PIWIL3: variants seen among roughly 807,000 people sequenced by gnomAD.
The protein encoded by PIWIL3 is piwi-like protein 3.
Under a neutral mutation model 109.7 loss-of-function variants are expected in PIWIL3, and 101 were observed. The observed-to-expected ratio is 0.92, with a 90% CI of 0.78 to 1.09. The LOEUF (loss-of-function observed/expected upper bound fraction) is 1.09. Among genes scored for constraint, PIWIL3 ranks in the 50% least tolerant of loss-of-function variants. The probability of loss-of-function intolerance (pLI) is 0.00; values close to 1 mark genes in which losing one functional copy is unlikely to be tolerated. For missense variants in PIWIL3, 1,031 were observed against 1,072.6 expected (o/e 0.96, Z 0.54); for synonymous variants, 373 against 376.4 (o/e 0.99, Z 0.10).
At chr22:24,771,990 C>T (rs1451894102) in intron 1 of PIWIL3, among the ~76,000 whole-genome samples, 2 of 152,134 alleles carry the variant, frequency 1.3e-5, no homozygotes, top group Admixed American at 6.5e-5. Context: ...TCACTGTGCC[C>T]GGCCTATTTC....
At chr22:24,731,194 A>G (rs1346275020) in intron 14 of PIWIL3, among the ~76,000 whole-genome samples, 1 of 152,196 alleles carries the variant, frequency 6.6e-6, no homozygotes, top group Admixed American at 6.5e-5. Context: ...GGCCTCCACA[A>G]ACAAGTTTAT....
intron 8 of PIWIL3, 55 bp from the exon 9 acceptor site, chr22:24,751,553 C>T: frequency 1.9e-6 from 3 of 1,572,694 alleles, no homozygotes; most frequent in Admixed American, 2.0e-5. Context: ...ATGGAACCAT[C>T]CACACAGAAA....
Position 24,749,723 on chromosome 22 carries a change from G to A in PIWIL3, c.1186C>T (p.Leu396=), listed in dbSNP as rs992848988. The change falls in exon 10 of 21, where the codon CTG becomes TTG. Residue 396 remains leucine, a synonymous_variant. Coordinates refer to ENST00000616349, the MANE Select transcript of PIWIL3 (RefSeq NM_001255975.1). ...GLTGTQREPI[L]LIPQLCHMTG... Reference sequence around the variant, plus strand: ...ATGTGGCACAGCTGAGGAATCAGCAGGATAGGTTCACGTTGTGTACCCGTT... The same window carrying A: ...ATGTGGCACAGCTGAGGAATCAGCAAGATAGGTTCACGTTGTGTACCCGTT... 6.2e-6 allele frequency: 10 copies of A among 1,614,134 alleles called. No homozygotes were observed. Among genetic ancestry groups the A allele is most frequent in the Admixed American group, 3.3e-5 (2 of 60,020 alleles).
intron 12 of PIWIL3, among the ~76,000 whole-genome samples, chr22:24,739,775 G>A (rs925547034): frequency 6.6e-6 from 1 of 152,134 alleles, no homozygotes. Flanking sequence ...ATAGGGCCGG[G>A]GGCGGTGGCT....
rs778311828 is a variant in PIWIL3, at chr22:24,723,180, T to C, written c.2307A>G (p.Gln769=). The C allele has an allele frequency of 8.1e-6, 13 of 1,612,630 alleles. No individual in the cohort carries two copies. The highest frequency in any genetic ancestry group is 4.4e-5 in the South Asian group (4 of 91,052). The change falls in exon 19 of 21, where the codon CAA becomes CAG. Residue 769 remains glutamine (Q), a synonymous_variant. Coordinates refer to ENST00000616349, the MANE Select transcript of PIWIL3 (RefSeq NM_001255975.1). ...CAATAACTGTTCCTGGAGGTGGATT[T>C]TGAAAATTGCTTCCATGTTTAAGAA... ...RFFLKHGSNF[Q]NPPPGTVIDV...
intron 16 of PIWIL3, among the ~76,000 whole-genome samples, 177 bp from the exon 17 acceptor site, chr22:24,725,692 A>C (rs1922949338): frequency 6.6e-6 from 1 of 152,228 alleles, no homozygotes; most frequent in South Asian, 2.1e-4. Context: ...CATTTTAGAA[A>C]ATTTTGAGTG....
Position 24,755,012 on chromosome 22 carries a change from T to C in PIWIL3, c.693-148A>G, listed in dbSNP as rs964416006. 2.2e-5 allele frequency: 14 copies of C among 646,144 alleles called. 1 individual carries two copies. The East Asian group carries it at 2.7e-4, about 13-fold the overall frequency. 40.0% of individuals were successfully genotyped at this position (646,144 alleles called of 1,614,324 possible). A position where few individuals can be genotyped will look rare whatever the true frequency, so the allele number is the denominator to read the frequency against. ...TTGTTAACTAAGTTACATGATGAGG[T>C]GGATATTAAGGTTCATTTAACCTCA... On this transcript the variant is annotated intron_variant, in intron 6 of 20. Coordinates refer to ENST00000616349, the MANE Select transcript of PIWIL3 (RefSeq NM_001255975.1).
Position 24,762,396 on chromosome 22 carries a change from A to G in PIWIL3, c.102+2T>C, listed in dbSNP as rs759894066. ...GAAAGGAAACAACGTTACAGGGCTCACTGTAGCTGATCCAGGTGCTCTGGG... is the reference window on the plus strand; with the variant it reads ...GAAAGGAAACAACGTTACAGGGCTCGCTGTAGCTGATCCAGGTGCTCTGGG... On this transcript the variant is annotated splice_donor_variant, in intron 2 of 20. Coordinates refer to ENST00000616349, the MANE Select transcript of PIWIL3 (RefSeq NM_001255975.1). LOFTEE classifies it high-confidence loss of function. 1.2e-6 allele frequency: 2 copies of G among 1,612,182 alleles called. No individual in the cohort carries two copies. The highest frequency in any genetic ancestry group is 8.5e-7 in the Non-Finnish European group (1 of 1,179,090).
intron 2 of PIWIL3, 56 bp from the exon 3 acceptor site, chr22:24,760,045 CT>C: frequency 6.2e-7 from 1 of 1,602,138 alleles, no homozygotes. Context: ...TTCATTCTCC[CT>C]CCAAATGGCA....
intron 16 of PIWIL3, among the ~76,000 whole-genome samples, chr22:24,726,575 G>A (rs530475941): frequency 2.6e-5 from 4 of 152,138 alleles, no homozygotes; most frequent in South Asian, 2.1e-4. Flanking sequence ...GTGAGCCGCC[G>A]CACCCGGCGG....
chr22:24,749,346 A>G (rs1601840406), intron 11 of PIWIL3, 58 bp downstream of exon 11: 1 of 1,588,160 alleles, frequency 6.3e-7, no homozygotes, highest in Non-Finnish European at 8.6e-7. Flanking sequence ...AGATGCCATC[A>G]GCTTCACTGG....
chr22:24,772,220 A>C (rs1926173148), intron 1 of PIWIL3, among the ~76,000 whole-genome samples: 1 of 152,236 alleles, frequency 6.6e-6, no homozygotes, highest in African/African-American at 2.4e-5. Context: ...AATAAAGAGA[A>C]GTAAATCTTA....
In PIWIL3 at chr22:24,771,219, T is replaced by G. The variant is rs145761533; in HGVS notation, c.-23+3103A>C. Reference sequence around the variant, plus strand: ...GGCTGATGCCTGTAATCCCAACACTTTGGGAGGCTGAGGCGAGCGAATCAT... The same window carrying G: ...GGCTGATGCCTGTAATCCCAACACTGTGGGAGGCTGAGGCGAGCGAATCAT... On this transcript the variant is annotated intron_variant, in intron 1 of 20. Coordinates refer to ENST00000616349, the MANE Select transcript of PIWIL3 (RefSeq NM_001255975.1). 7.2e-4 allele frequency among the ~76,000 whole-genome samples: 110 copies of G among 151,968 alleles called. 1 individual carries two copies. The highest frequency in any genetic ancestry group is 2.4e-3 in the African/African-American group (101 of 41,466).
Position 24,734,064 on chromosome 22 carries a change from T to C in PIWIL3, c.1707+20A>G, listed in dbSNP as rs761090676. On this transcript the variant is annotated intron_variant, in intron 14 of 20. Transcript: ENST00000616349. ...GGAACAATAACTAAAAGATTGTACATGTATCAACTAGACACTTACCATCTG... is the reference window on the plus strand; with the variant it reads ...GGAACAATAACTAAAAGATTGTACACGTATCAACTAGACACTTACCATCTG... 1 of 1,597,824 alleles carries C rather than the reference T, an allele frequency of 6.3e-7. No homozygotes were observed. Among genetic ancestry groups the C allele is most frequent in the Admixed American group, 1.8e-5 (1 of 56,010 alleles).
rs1463954045 is a variant in PIWIL3 at position 24,762,474 on chromosome 22, G to A, written c.26C>T (p.Ala9Val). 2 of 1,613,718 alleles carry A rather than the reference G, an allele frequency of 1.2e-6. No individual in the cohort carries two copies. The highest frequency in any genetic ancestry group is 2.2e-5 in the South Asian group (2 of 90,980). The change falls in exon 2 of 21, where the codon GCC becomes GTC. Residue 9 changes from alanine (A) to valine (V), a missense_variant. Ala to Val is a moderately conservative substitution (Grantham distance 64, BLOSUM62 0). Coordinates refer to ENST00000616349, the MANE Select transcript of PIWIL3 (RefSeq NM_001255975.1). ...CTCCCTGCGGCGGGCTCTGCCTCGG[G>A]CGCGAGTCCTTGCCCTACCAGGCAT... MPGRARTR[A>V]RGRARRRESY...
chr22:24,726,407 T>C (rs1967924), intron 16 of PIWIL3, among the ~76,000 whole-genome samples: 105,079 of 151,666 alleles, frequency 0.69, 36,793 homozygotes, highest in East Asian at 0.82. Flanking sequence ...CTCAGCCTCC[T>C]AAGTAGCTGG....
In PIWIL3 at chr22:24,719,528, G is replaced by GC. The variant is rs1922533989; in HGVS notation, c.2565dup (p.Gln856AlafsTer40). 1 of 1,607,930 alleles carries GC rather than the reference G, an allele frequency of 6.2e-7. No homozygotes were observed. The highest frequency in any genetic ancestry group is 1.3e-5 in the African/African-American group (1 of 74,524). Reference sequence around the variant, plus strand: ...CGATTCGGTTCCTGGTGAATGGACTGCCCCACGAGGTAAGCCAGCTTGTGG... The same window carrying GC: ...CGATTCGGTTCCTGGTGAATGGACTGCCCCCACGAGGTAAGCCAGCTTGTGG... On this transcript the variant is annotated frameshift_variant, in exon 21 of 21. Transcript: ENST00000616349. LOFTEE classifies it low-confidence loss of function (END_TRUNC).
chr22:24,766,211 T>G (rs1925778633), intron 1 of PIWIL3, among the ~76,000 whole-genome samples: 1 of 152,114 alleles, frequency 6.6e-6, no homozygotes, highest in South Asian at 2.1e-4. Flanking sequence ...GGTCTTGAGC[T>G]CCTGAGCTCA....
At chr22:24,764,623 G>A (rs1172776786) in intron 1 of PIWIL3, among the ~76,000 whole-genome samples, 1 of 74,674 alleles carries the variant, frequency 1.3e-5, no homozygotes, top group African/African-American at 5.7e-5. Flanking sequence ...TTTTGACCTT[G>A]CCGTGTGTGT....
Sources: allele counts gnomAD v4.1 joint callset (sites outside exome capture counted in the v4.1 genomes callset), GRCh38; gene constraint gnomAD v4.1.1; transcripts MANE v1.5; gene names NCBI Gene and HGNC (gene_info 2026-07-23, HGNC 2026-07-21).